The following RALYL variants were observed in gnomAD, a reference collection of about 807,000 sequenced individuals.
RALYL encodes the protein RNA-binding Raly-like protein.
A neutral mutation model predicts 35.1 loss-of-function variants in RALYL; 29 were observed. The ratio of observed to expected loss-of-function variants is 0.83; its 90% CI spans 0.61 to 1.13. The LOEUF (loss-of-function observed/expected upper bound fraction) is 1.13, where lower values mean the gene tolerates loss of function less well. RALYL is among the 50% of genes most tolerant of loss of function. The pLI is 0.00. For missense variants in RALYL, 359 were observed against 360.4 expected, an observed-to-expected ratio of 1.00 and a Z score of 0.03; for synonymous variants, 120 against 127.6, an observed-to-expected ratio of 0.94 and a Z score of 0.40.
chr8:84,696,057 T>C (rs1000905206), intron 2 of RALYL, among the ~76,000 whole-genome samples: 1 of 151,792 alleles, frequency 6.6e-6, no homozygotes, highest in Non-Finnish European at 1.5e-5. Flanking sequence ...TTCTGTAAGT[T>C]TGTGATCACT....
At chr8:84,357,415 T>C (rs1304597173) in intron 1 of RALYL, among the ~76,000 whole-genome samples, 1 of 152,022 alleles carries the variant, frequency 6.6e-6, no homozygotes, top group East Asian at 1.9e-4. Context: ...AAGGTTACTC[T>C]GTAATAATTT....
intron 1 of RALYL, among the ~76,000 whole-genome samples, chr8:84,224,857 A>G (rs7010088): frequency 0.4 from 60,423 of 151,962 alleles, 12,137 homozygotes; most frequent in Non-Finnish European, 0.43. Flanking sequence ...GGGTTTCACC[A>G]TATTGGCTAG....
chr8:84,789,915 T>C lies in RALYL; in HGVS notation c.333-14855T>C, dbSNP rs143017207. Among the ~76,000 whole-genome samples the C allele has an allele frequency of 6.1e-4, 93 of 152,266 alleles. No homozygotes were observed. In the East Asian group the frequency reaches 0.014, roughly 23 times the overall value. ...TATAGAAAAGTTGCAATATTTGGCA[T>C]TAGAAAATAAAGATATTATGAAAGA... On this transcript the variant is annotated intron_variant, in intron 3 of 8. Coordinates refer to ENST00000521268, the MANE Select transcript of RALYL (RefSeq NM_173848.7).
At chr8:84,867,133 C>T (rs1355056397) in intron 6 of RALYL, among the ~76,000 whole-genome samples, 1 of 152,068 alleles carries the variant, frequency 6.6e-6, no homozygotes, top group African/African-American at 2.4e-5. Context: ...GGTAGATGAC[C>T]ATCTTCTCCC....
chr8:84,346,058 G>T, intron 1 of RALYL: 8 of 981,126 alleles, frequency 8.2e-6, no homozygotes, highest in Non-Finnish European at 9.7e-6. Context: ...AATGAAATGG[G>T]TTGCTTGGTT....
At chr8:84,526,431 A>T (rs577800216) in intron 1 of RALYL, among the ~76,000 whole-genome samples, 1 of 152,236 alleles carries the variant, frequency 6.6e-6, no homozygotes, top group African/African-American at 2.4e-5. Flanking sequence ...TGATGCCTAA[A>T]TTTAATTCTC....
intron 2 of RALYL, among the ~76,000 whole-genome samples, chr8:84,666,404 G>A (rs1832057291): frequency 6.6e-6 from 1 of 151,934 alleles, no homozygotes; most frequent in Non-Finnish European, 1.5e-5. Context: ...ATTTAACAGT[G>A]AACCAGGCTC....
chr8:84,664,772 A>G (rs1831641812), intron 2 of RALYL, among the ~76,000 whole-genome samples: 1 of 152,138 alleles, frequency 6.6e-6, no homozygotes. Flanking sequence ...TCATCTACAA[A>G]CAGGGATGGT....
intron 3 of RALYL, among the ~76,000 whole-genome samples, chr8:84,795,431 A>G (rs1427721270): frequency 6.6e-6 from 1 of 152,228 alleles, no homozygotes; most frequent in Non-Finnish European, 1.5e-5. Flanking sequence ...AATGATGTCA[A>G]CTTCACAAGA....
At chr8:84,343,982 T>G (rs73294920) in intron 1 of RALYL, among the ~76,000 whole-genome samples, 7,538 of 152,072 alleles carry the variant, frequency 0.05, 275 homozygotes, top group African/African-American at 0.083. Context: ...ATGGCAATTG[T>G]TTTACTGATT....
intron 1 of RALYL, among the ~76,000 whole-genome samples, chr8:84,282,078 C>G (rs1328053063): frequency 2.0e-5 from 3 of 152,044 alleles, no homozygotes; most frequent in Admixed American, 6.6e-5. Flanking sequence ...CTTGCCCCTC[C>G]TCTGTATTTG....
intron 2 of RALYL, among the ~76,000 whole-genome samples, chr8:84,656,579 C>A (rs1006094346): frequency 6.6e-6 from 1 of 152,096 alleles, no homozygotes; most frequent in African/African-American, 2.4e-5. Flanking sequence ...AAATAGTGAG[C>A]ATTCACAAAG....
intron 4 of RALYL, among the ~76,000 whole-genome samples, chr8:84,846,240 C>T (rs972189182): frequency 6.6e-6 from 1 of 152,138 alleles, no homozygotes; most frequent in Admixed American, 6.6e-5. Flanking sequence ...ATAGTATGGC[C>T]ATTTTAATGA....
chr8:84,894,756 T>C (rs1460906227), intron 8 of RALYL, among the ~76,000 whole-genome samples: 1 of 152,222 alleles, frequency 6.6e-6, no homozygotes, highest in Non-Finnish European at 1.5e-5. Flanking sequence ...GTAATAAGTG[T>C]CCCCTCTTAT....
At chr8:84,424,122 C>T (rs1587079006) in intron 1 of RALYL, among the ~76,000 whole-genome samples, 2 of 151,904 alleles carry the variant, frequency 1.3e-5, no homozygotes, top group Admixed American at 6.6e-5. Context: ...GGAAGTTCTC[C>T]TGGATAATAT....
intron 1 of RALYL, among the ~76,000 whole-genome samples, chr8:84,512,064 G>T (rs2057670353): frequency 1.3e-5 from 2 of 152,032 alleles, no homozygotes. Context: ...ACCTACTAGT[G>T]AGATCGCTGG....
intron 2 of RALYL, among the ~76,000 whole-genome samples, chr8:84,581,147 T>G (rs1810737437): frequency 6.6e-6 from 1 of 152,176 alleles, no homozygotes; most frequent in Non-Finnish European, 1.5e-5. Context: ...TTGCATTGCC[T>G]TATCAGACTG....
chr8:84,490,107 G>GTGTGTGTGTGTGTGTGTT (rs2055111596), intron 1 of RALYL, among the ~76,000 whole-genome samples: 1 of 101,200 alleles, frequency 9.9e-6, no homozygotes, highest in African/African-American at 3.6e-5. Context: ...GTGTGTGTGT[G>GTGTGTGTGTGTGTGTGTT]TGTGTGTGTG....
chr8:84,433,544 T>A (rs2047366276), intron 1 of RALYL, among the ~76,000 whole-genome samples: 1 of 152,038 alleles, frequency 6.6e-6, no homozygotes, highest in African/African-American at 2.4e-5. Context: ...GATTGAATCA[T>A]GGGGGCTGGT....
Sources: allele counts gnomAD v4.1 joint callset (sites outside exome capture counted in the v4.1 genomes callset), GRCh38; gene constraint gnomAD v4.1.1; transcripts MANE v1.5; gene names NCBI Gene and HGNC (gene_info 2026-07-23, HGNC 2026-07-21).